The following SH3PXD2B variants were observed in gnomAD, a reference collection of about 807,000 sequenced individuals.
SH3PXD2B encodes the protein SH3 and PX domain-containing protein 2B.
Under a neutral mutation model 73.1 loss-of-function variants are expected in SH3PXD2B, and 37 were observed. That is an observed-to-expected ratio of 0.51 (90% CI 0.39 to 0.67). The LOEUF (loss-of-function observed/expected upper bound fraction) is 0.67, where lower values mean the gene tolerates loss of function less well. Among genes scored for constraint, SH3PXD2B ranks in the 30% least tolerant of loss-of-function variants. The pLI is 0.00. For missense variants in SH3PXD2B, 1,053 were observed against 1,197.8 expected, an observed-to-expected ratio of 0.88 and a Z score of 1.78; for synonymous variants, 457 against 480.5, an observed-to-expected ratio of 0.95 and a Z score of 0.64.
intron 4 of SH3PXD2B, among the ~76,000 whole-genome samples, chr5:172,383,568 C>A (rs1031736970): frequency 1.3e-5 from 2 of 152,204 alleles, no homozygotes; most frequent in African/African-American, 2.4e-5. Context: ...GGCCCTGGAC[C>A]AGGGTAATGA....
At chr5:172,332,744 G>A (rs1756583759), downstream of SH3PXD2B, among the ~76,000 whole-genome samples, 1 of 151,996 alleles carries the variant, frequency 6.6e-6, no homozygotes, top group Non-Finnish European at 1.5e-5. Flanking sequence ...TAGGAAGGTG[G>A]GGTGGTGGTG....
intron 3 of SH3PXD2B, among the ~76,000 whole-genome samples, chr5:172,402,282 C>T (rs965152762): frequency 2.6e-5 from 4 of 152,142 alleles, no homozygotes; most frequent in Non-Finnish European, 5.9e-5. Context: ...TTGGTCAGAC[C>T]GTTGTCTGCT....
intron 1 of SH3PXD2B, among the ~76,000 whole-genome samples, chr5:172,451,185 T>C (rs1759788445): frequency 6.6e-6 from 1 of 152,130 alleles, no homozygotes; most frequent in Non-Finnish European, 1.5e-5. Flanking sequence ...GAACTCCGGG[T>C]GCAGTTCTCC....
Position 172,377,379 on chromosome 5 carries a change from T to C in SH3PXD2B, c.402-3564A>G, listed in dbSNP as rs146081609. On this transcript the variant is annotated intron_variant, in intron 5 of 12. Coordinates refer to ENST00000311601, the MANE Select transcript of SH3PXD2B (RefSeq NM_001017995.3). ...ATGGGTATAACCCTCAAGTTCACCA[T>C]CCCTAAACCAACAACCAGGACCCAG... 8.4e-3 allele frequency among the ~76,000 whole-genome samples: 1,282 copies of C among 152,226 alleles called. 9 individuals carry two copies. Among genetic ancestry groups the C allele is most frequent in the Non-Finnish European group, 0.014 (942 of 68,010 alleles).
In SH3PXD2B at chr5:172,454,145, C is replaced by G. The variant is rs1393209301; in HGVS notation, c.75+133G>C. ...TCGGGAGGGACCCGGGCAGCGCCGC[C>G]GCAGAGCCGAGGGGAGAGCAGGGGA... On this transcript the variant is annotated intron_variant, in intron 1 of 12. Coordinates refer to ENST00000311601, the MANE Select transcript of SH3PXD2B (RefSeq NM_001017995.3). 12 of 603,648 alleles carry G rather than the reference C, an allele frequency of 2.0e-5. No individual in the cohort carries two copies. In the South Asian group the frequency reaches 2.4e-4, roughly 12 times the overall value. 37.4% of individuals were successfully genotyped at this position (603,648 alleles called of 1,614,324 possible). A position where few individuals can be genotyped will look rare whatever the true frequency, so the allele number is the denominator to read the frequency against.
chr5:172,439,688 G>GCACACACACACA (rs1166130299), intron 1 of SH3PXD2B, among the ~76,000 whole-genome samples: 131 of 104,208 alleles, frequency 1.3e-3, no homozygotes, highest in South Asian at 4.1e-3. Context: ...GCGCGCACGC[G>GCACACACACACA]CGCGCACACA....
At chr5:172,399,620 C>T (rs1758383968) in intron 3 of SH3PXD2B, among the ~76,000 whole-genome samples, 1 of 152,186 alleles carries the variant, frequency 6.6e-6, no homozygotes, top group Admixed American at 6.5e-5. Context: ...GCAATGGAGA[C>T]CCATCTAACT....
chr5:172,355,816 C>T (rs1276003657), intron 8 of SH3PXD2B, among the ~76,000 whole-genome samples: 1 of 152,080 alleles, frequency 6.6e-6, no homozygotes, highest in East Asian at 1.9e-4. Flanking sequence ...CGTGCTGGGA[C>T]TATAGGTGTG....
At chr5:172,389,568 C>CAA (rs34351709) in intron 4 of SH3PXD2B, among the ~76,000 whole-genome samples, 14,016 of 103,484 alleles carry the variant, frequency 0.14, 1,068 homozygotes, top group African/African-American at 0.15. Flanking sequence ...TCATCTCTAC[C>CAA]AAAAAAAAAA....
chr5:172,353,778 C>T lies in SH3PXD2B; in HGVS notation c.785+110G>A. 2.3e-6 allele frequency: 2 copies of T among 860,424 alleles called. No homozygotes were observed. The highest frequency in any genetic ancestry group is 2.0e-6 in the Non-Finnish European group (1 of 497,152). The allele number at this position is 860,424 out of a possible 1,614,324, so 53.3% of individuals were successfully genotyped here. On this transcript the variant is annotated intron_variant, in intron 9 of 12. Transcript: ENST00000311601. This position sits in a 1 kb window ranked among gnomAD's most constrained non-coding sequence, Gnocchi z 4.3. ...TTTATGGTTCAGGCGGAAACTTCGC[C>T]CAGATGCAATCACTTACCGACCTCT...
chr5:172,373,895 A>G (rs1757765845), intron 5 of SH3PXD2B, 80 bp from the exon 6 acceptor site: 3 of 1,496,992 alleles, frequency 2.0e-6, no homozygotes, highest in Non-Finnish European at 2.8e-6. Flanking sequence ...CTGCCGGGAA[A>G]CTGAGATTCT....
At chr5:172,444,002 T>C (rs1230361874) in intron 1 of SH3PXD2B, among the ~76,000 whole-genome samples, 1 of 151,920 alleles carries the variant, frequency 6.6e-6, no homozygotes, top group African/African-American at 2.4e-5. Flanking sequence ...AATAACAGCA[T>C]CCATGTAGCA....
At chr5:172,437,589 T>C (rs1400257026) in intron 1 of SH3PXD2B, among the ~76,000 whole-genome samples, 1 of 152,240 alleles carries the variant, frequency 6.6e-6, no homozygotes, top group Non-Finnish European at 1.5e-5. Context: ...AGGCCAGAGC[T>C]TTCCGGTCCC....
At chr5:172,410,357 C>G (rs889391221) in intron 2 of SH3PXD2B, among the ~76,000 whole-genome samples, 7 of 152,124 alleles carry the variant, frequency 4.6e-5, no homozygotes, top group African/African-American at 1.7e-4. Flanking sequence ...TGTTCTGTTG[C>G]CTGGTGAGGT....
At chr5:172,333,407 G>C, downstream of SH3PXD2B, 1 of 745,240 alleles carries the variant, frequency 1.3e-6, no homozygotes, top group Non-Finnish European at 1.7e-6. Context: ...AAACATAGCT[G>C]GCATAGGTTT....
At chr5:172,416,688 CTCTCTCTCTTTTTT>C (rs1202412621) in intron 2 of SH3PXD2B, among the ~76,000 whole-genome samples, 1 of 97,992 alleles carries the variant, frequency 1.0e-5, no homozygotes, top group African/African-American at 5.0e-5. Flanking sequence ...GTCTCTCTCT[CTCTCTCTCTTTTTT>C]TTTTTTTTTT....
chr5:172,416,543 G>A (rs1009678535), intron 2 of SH3PXD2B, among the ~76,000 whole-genome samples: 35 of 151,238 alleles, frequency 2.3e-4, no homozygotes, highest in Admixed American at 4.0e-4. Flanking sequence ...GGCCAGGCTG[G>A]TATCGAACTC....
At chr5:172,383,201 C>CTGTTTTATGATTTGGATAGAGG (rs1757987597) in intron 4 of SH3PXD2B, among the ~76,000 whole-genome samples, 1 of 152,182 alleles carries the variant, frequency 6.6e-6, no homozygotes, top group Non-Finnish European at 1.5e-5. Context: ...AGTGAAGGGA[C>CTGTTTTATGATTTGGATAGAGG]TGTTTTATGA....
intron 1 of SH3PXD2B, among the ~76,000 whole-genome samples, chr5:172,428,686 C>G (rs1759161441): frequency 6.6e-6 from 1 of 152,192 alleles, no homozygotes; most frequent in South Asian, 2.1e-4. Flanking sequence ...TACTGTGTGG[C>G]CCTCCAGGTG....
Sources: gnomAD v4.1 joint callset for allele counts (sites outside exome capture counted in the v4.1 genomes callset) on GRCh38, gnomAD v4.1.1 for gene constraint, Gnocchi (gnomAD v3.1) non-coding constraint, MANE v1.5 for transcripts, NCBI Gene and HGNC (gene_info 2026-07-23, HGNC 2026-07-21) for gene names.